The following PTPRD variants were observed in gnomAD, a reference collection of about 807,000 sequenced individuals.
The protein encoded by PTPRD is receptor-type tyrosine-protein phosphatase delta.
Under a neutral mutation model 214.5 loss-of-function variants are expected in PTPRD, and 34 were observed. The ratio of observed to expected loss-of-function variants is 0.16; its 90% confidence interval spans 0.12 to 0.21. PTPRD has a LOEUF of 0.21. Among genes scored for constraint, PTPRD ranks in the 10% least tolerant of loss-of-function variants. The pLI, the probability that PTPRD is intolerant of heterozygous loss-of-function variation, is 1.00. For missense variants in PTPRD, 2,545 were observed against 2,398.7 expected (o/e 1.06, Z -1.27); for synonymous variants, 1,128 against 845.7 (o/e 1.33, Z -5.79).
Position 9,980,331 on chromosome 9 carries a change from G to A in PTPRD, c.-471-41721C>T, listed in dbSNP as rs562056447. On this transcript the variant is annotated intron_variant, in intron 4 of 45. Coordinates refer to ENST00000381196, the MANE Select transcript of PTPRD (RefSeq NM_002839.4). ...GGTATTAAAACTTCGTGGATGGGCCGGTTATGGTGGGTCACGCCTATAATC... is the reference window on the plus strand; with the variant it reads ...GGTATTAAAACTTCGTGGATGGGCCAGTTATGGTGGGTCACGCCTATAATC... Among the ~76,000 whole-genome samples the A allele has an allele frequency of 5.3e-5, 8 of 151,782 alleles. No individual in the cohort carries two copies. In the South Asian group the frequency reaches 1.7e-3, roughly 31 times the overall value.
intron 4 of PTPRD, among the ~76,000 whole-genome samples, chr9:10,003,415 A>T (rs1444667348): frequency 1.3e-5 from 2 of 151,834 alleles, no homozygotes; most frequent in African/African-American, 2.4e-5. Context: ...AAGTTGGGGG[A>T]TATTAAGAAA....
intron 11 of PTPRD, among the ~76,000 whole-genome samples, chr9:8,746,258 G>A (rs1299341796): frequency 6.6e-6 from 1 of 152,100 alleles, no homozygotes; most frequent in African/African-American, 2.4e-5. Flanking sequence ...AAGTTGCTGA[G>A]GGCAACATGG....
chr9:9,941,051 T>C (rs2091317756), intron 4 of PTPRD, among the ~76,000 whole-genome samples: 1 of 152,096 alleles, frequency 6.6e-6, no homozygotes, highest in Non-Finnish European at 1.5e-5. Flanking sequence ...ACACTAACAC[T>C]AATGACAGCT....
intron 3 of PTPRD, among the ~76,000 whole-genome samples, chr9:10,040,227 C>A (rs946969323): frequency 7.2e-5 from 11 of 151,936 alleles, no homozygotes; most frequent in African/African-American, 2.7e-4. Flanking sequence ...ACCAGAGAAC[C>A]CAAAAGTCTT....
At chr9:8,857,144 C>G (rs1292889771) in intron 11 of PTPRD, among the ~76,000 whole-genome samples, 3 of 152,236 alleles carry the variant, frequency 2.0e-5, no homozygotes, top group African/African-American at 7.2e-5. Context: ...GCTGCGTAGA[C>G]TTTGATTCCT....
At chr9:9,919,003 A>C (rs1270215604) in intron 5 of PTPRD, among the ~76,000 whole-genome samples, 1 of 152,160 alleles carries the variant, frequency 6.6e-6, no homozygotes, top group Non-Finnish European at 1.5e-5. Context: ...TTAATTAATC[A>C]TACTAATCTT....
At chr9:8,589,198 G>A (rs2093909584) in intron 14 of PTPRD, among the ~76,000 whole-genome samples, 1 of 152,166 alleles carries the variant, frequency 6.6e-6, no homozygotes, top group Non-Finnish European at 1.5e-5. Context: ...AAGAGTTGCT[G>A]TGCTGATCAA....
At chr9:9,347,306 A>C (rs971051120) in intron 9 of PTPRD, among the ~76,000 whole-genome samples, 2 of 149,126 alleles carry the variant, frequency 1.3e-5, no homozygotes, top group East Asian at 1.9e-4. Flanking sequence ...GACTCTCTCT[A>C]TGTGTATATA....
chr9:9,256,364 T>A (rs1014170758), intron 9 of PTPRD, among the ~76,000 whole-genome samples: 7 of 152,060 alleles, frequency 4.6e-5, no homozygotes, highest in African/African-American at 1.4e-4. Context: ...CTCTTCCTTT[T>A]TCTTCTCTCT....
chr9:8,675,863 T>C (rs1487556530), intron 12 of PTPRD, among the ~76,000 whole-genome samples: 2 of 152,212 alleles, frequency 1.3e-5, no homozygotes, highest in African/African-American at 2.4e-5. Flanking sequence ...ACACTCTTCA[T>C]AGTGAAGTCA....
chr9:10,002,573 A>T (rs1367547711), intron 4 of PTPRD, among the ~76,000 whole-genome samples: 1 of 151,296 alleles, frequency 6.6e-6, no homozygotes, highest in East Asian at 1.9e-4. Flanking sequence ...TAAACCTACA[A>T]AATTTTACTA....
intron 2 of PTPRD, among the ~76,000 whole-genome samples, chr9:10,436,718 T>C (rs952811452): frequency 1.3e-5 from 2 of 151,758 alleles, no homozygotes; most frequent in African/African-American, 2.4e-5. Flanking sequence ...ATTCTTCAGC[T>C]TGTCTCTATT....
intron 4 of PTPRD, among the ~76,000 whole-genome samples, chr9:9,997,237 A>T (rs1021654448): frequency 6.6e-6 from 1 of 152,180 alleles, no homozygotes; most frequent in African/African-American, 2.4e-5. Context: ...AGGGAGACTT[A>T]ACATTTGAAA....
At chr9:9,945,918 TG>T (rs1262467310) in intron 4 of PTPRD, among the ~76,000 whole-genome samples, 3 of 152,120 alleles carry the variant, frequency 2.0e-5, no homozygotes, top group Non-Finnish European at 4.4e-5. Context: ...TACTGACATT[TG>T]TAAATAACCA....
At chr9:9,328,070 G>A (rs1345585756) in intron 9 of PTPRD, among the ~76,000 whole-genome samples, 3 of 152,096 alleles carry the variant, frequency 2.0e-5, no homozygotes, top group African/African-American at 7.2e-5. Flanking sequence ...TCAAAAGAGT[G>A]CTATTGATGA....
At position 9,418,145 on chromosome 9, in the gene PTPRD, G is replaced by A. The variant is rs529731827; in HGVS notation, c.-236-20663C>T. Among the ~76,000 whole-genome samples the A allele has an allele frequency of 2.0e-5, 3 of 152,102 alleles. No individual in the cohort carries two copies. The East Asian group carries it at 5.8e-4, about 29-fold the overall frequency. ...AGACTTGCATGGCATCTCATTTTCA[G>A]ATCCTTTAGAACAGAACAACTTTCA... On this transcript the variant is annotated intron_variant, in intron 8 of 45. Transcript: ENST00000381196.
intron 27 of PTPRD, 199 bp from the exon 28 acceptor site, chr9:8,486,548 C>T: frequency 1.4e-6 from 1 of 701,620 alleles, no homozygotes; most frequent in Non-Finnish European, 2.6e-6. Context: ...GGCTGAGATA[C>T]TAGAATTTGA....
intron 11 of PTPRD, among the ~76,000 whole-genome samples, chr9:8,983,451 T>A (rs930903787): frequency 1.3e-5 from 2 of 151,988 alleles, no homozygotes; most frequent in Non-Finnish European, 2.9e-5. Context: ...TTCAATACGT[T>A]TTCTCTTAAG....
At chr9:8,371,515 T>G (rs971761602) in intron 39 of PTPRD, among the ~76,000 whole-genome samples, 3 of 151,940 alleles carry the variant, frequency 2.0e-5, no homozygotes, top group Non-Finnish European at 4.4e-5. Context: ...ATTCTTCCTG[T>G]GGGAAGATAA....
Sources: allele counts gnomAD v4.1 joint callset (sites outside exome capture counted in the v4.1 genomes callset), GRCh38; gene constraint gnomAD v4.1.1; transcripts MANE v1.5; gene names NCBI Gene and HGNC (gene_info 2026-07-23, HGNC 2026-07-21).